Variants in HECW2 observed in about 807,000 individuals in gnomAD.
HECW2 encodes HECT, C2 and WW domain containing E3 ubiquitin protein ligase 2, also known as E3 ubiquitin-protein ligase HECW2.
Under a neutral mutation model 175.2 loss-of-function variants are expected in HECW2, and 61 were observed. The ratio of observed to expected loss-of-function variants is 0.35; its 90% CI spans 0.28 to 0.43. The LOEUF (loss-of-function observed/expected upper bound fraction) is 0.43, where lower values mean the gene tolerates loss of function less well. HECW2 is among the 20% of genes least tolerant of loss of function. HECW2 has a pLI of 1.00. For missense variants in HECW2, 1,524 were observed against 2,000.5 expected (o/e 0.76, Z 4.54); for synonymous variants, 671 against 731.0 (o/e 0.92, Z 1.32).
chr2:196,462,181 C>A (rs960494112), intron 1 of HECW2, among the ~76,000 whole-genome samples: 2 of 151,638 alleles, frequency 1.3e-5, no homozygotes, highest in African/African-American at 4.8e-5. Flanking sequence ...AATAATAAAA[C>A]CTGGATTGTT....
intron 1 of HECW2, among the ~76,000 whole-genome samples, chr2:196,472,422 A>T (rs1202817191): frequency 7.3e-6 from 1 of 136,268 alleles, no homozygotes; most frequent in Admixed American, 8.0e-5. Flanking sequence ...TGAGAGGTGG[A>T]GGCTGCAGTG....
intron 1 of HECW2, among the ~76,000 whole-genome samples, chr2:196,529,047 G>A (rs1212429874): frequency 1.3e-5 from 2 of 152,216 alleles, no homozygotes; most frequent in East Asian, 3.8e-4. Context: ...GAAATCAAAT[G>A]AGGCTGAAGC....
chr2:196,230,919 T>C (rs866444339), intron 21 of HECW2, among the ~76,000 whole-genome samples: 4 of 151,830 alleles, frequency 2.6e-5, no homozygotes, highest in Non-Finnish European at 5.9e-5. Flanking sequence ...CTGGCCAACA[T>C]GGTGAAACCC....
chr2:196,305,486 T>C (rs886728931), intron 13 of HECW2, among the ~76,000 whole-genome samples: 2 of 152,220 alleles, frequency 1.3e-5, no homozygotes, highest in African/African-American at 4.8e-5. Context: ...CACATACTCC[T>C]GGTGATAGGA....
intron 1 of HECW2, among the ~76,000 whole-genome samples, chr2:196,586,204 T>C (rs2125534819): frequency 6.6e-6 from 1 of 152,282 alleles, no homozygotes; most frequent in African/African-American, 2.4e-5. Context: ...AACTTCCAAC[T>C]CCCTAATAAA....
intron 1 of HECW2, among the ~76,000 whole-genome samples, chr2:196,435,340 C>G (rs1695838701): frequency 6.6e-6 from 1 of 152,134 alleles, no homozygotes; most frequent in East Asian, 1.9e-4. Context: ...CTGATAGTTT[C>G]AAGAAATTTC....
At chr2:196,533,913 T>C (rs1162318967) in intron 1 of HECW2, among the ~76,000 whole-genome samples, 1 of 152,224 alleles carries the variant, frequency 6.6e-6, no homozygotes, top group Non-Finnish European at 1.5e-5. Flanking sequence ...ACATAATTTA[T>C]AACCTCATTG....
chr2:196,424,431 A>G (rs995302855), intron 2 of HECW2, among the ~76,000 whole-genome samples: 12 of 152,172 alleles, frequency 7.9e-5, no homozygotes, highest in African/African-American at 2.9e-4. Context: ...AGAGGAAGGC[A>G]TCTCAAAAAT....
intron 1 of HECW2, among the ~76,000 whole-genome samples, chr2:196,486,894 A>AAAGCC (rs2125380522): frequency 6.6e-6 from 1 of 152,294 alleles, no homozygotes; most frequent in African/African-American, 2.4e-5. Flanking sequence ...GATTTAATGG[A>AAAGCC]AAGCCGAGGC....
intron 1 of HECW2, among the ~76,000 whole-genome samples, chr2:196,499,161 C>T (rs980619732): frequency 5.9e-5 from 9 of 152,158 alleles, no homozygotes; most frequent in Admixed American, 5.2e-4. Context: ...TGCTGCAATA[C>T]CCGCCATCTC....
intron 9 of HECW2, 87 bp downstream of exon 9, chr2:196,318,465 C>T (rs1055539251): frequency 7.4e-7 from 1 of 1,358,978 alleles, no homozygotes; most frequent in Non-Finnish European, 9.6e-7. Context: ...TAACCTGCAG[C>T]CTTATTTACA....
At chr2:196,396,094 C>G (rs944917332) in intron 2 of HECW2, among the ~76,000 whole-genome samples, 1 of 152,078 alleles carries the variant, frequency 6.6e-6, no homozygotes, top group African/African-American at 2.4e-5. Flanking sequence ...GAAGATATTA[C>G]GCTAAGTGAT....
rs1272587257 is a variant in HECW2, at chr2:196,270,473, GTTCT to G, written c.3335+716_3335+719del. On this transcript the variant is annotated intron_variant, in intron 17 of 28. Coordinates refer to ENST00000644978, the MANE Select transcript of HECW2 (RefSeq NM_001348768.2). ...AGAGAATATCAGATTCCCTACTTAG[GTTCT>G]AATCTGTTTTTATTATGGAAAAATG... is the stretch of plus-strand genomic sequence containing the variant. 2.0e-5 allele frequency among the ~76,000 whole-genome samples: 3 copies of G among 152,042 alleles called. 1 individual carries two copies. Among genetic ancestry groups the G allele is most frequent in the Non-Finnish European group, 4.4e-5 (3 of 68,022 alleles).
At chr2:196,581,792 C>T (rs117615007) in intron 1 of HECW2, among the ~76,000 whole-genome samples, 4 of 152,146 alleles carry the variant, frequency 2.6e-5, no homozygotes, top group East Asian at 1.9e-4. Flanking sequence ...CATGGACAGG[C>T]GCGGTGGCTC....
At chr2:196,314,717 T>C (rs1458906184) in intron 10 of HECW2, among the ~76,000 whole-genome samples, 1 of 152,206 alleles carries the variant, frequency 6.6e-6, no homozygotes, top group Non-Finnish European at 1.5e-5. Context: ...CTTTGTAAAG[T>C]GTAAATCACC....
At chr2:196,271,031 A>C (rs1328164753) in intron 17 of HECW2, among the ~76,000 whole-genome samples, 162 bp downstream of exon 17, 1 of 152,222 alleles carries the variant, frequency 6.6e-6, no homozygotes, top group Non-Finnish European at 1.5e-5. Flanking sequence ...GAGAGAAGCC[A>C]GCACTACAAT....
chr2:196,455,503 T>C (rs776267514), intron 1 of HECW2, among the ~76,000 whole-genome samples: 10 of 152,220 alleles, frequency 6.6e-5, no homozygotes, highest in Non-Finnish European at 1.3e-4. Flanking sequence ...ATCTCATTTA[T>C]GACTTTATGA....
chr2:196,427,304 T>A (rs1433203879), intron 2 of HECW2, among the ~76,000 whole-genome samples: 1 of 70,108 alleles, frequency 1.4e-5, no homozygotes, highest in African/African-American at 3.6e-5. Context: ...ATTTTCGTTA[T>A]GCAAAATTAA....
At chr2:196,446,985 T>A (rs1162298450) in intron 1 of HECW2, among the ~76,000 whole-genome samples, 1 of 152,126 alleles carries the variant, frequency 6.6e-6, no homozygotes, top group East Asian at 1.9e-4. Flanking sequence ...TTCAAAATAA[T>A]AATAAACTAC....
Sources: allele counts gnomAD v4.1 joint callset (sites outside exome capture counted in the v4.1 genomes callset), GRCh38; gene constraint gnomAD v4.1.1; transcripts MANE v1.5; gene names NCBI Gene and HGNC (gene_info 2026-07-23, HGNC 2026-07-21).